Variants in WDTC1 observed in about 807,000 individuals in gnomAD.
The protein encoded by WDTC1 is WD and tetratricopeptide repeats 1, also known as WD and tetratricopeptide repeats protein 1.
WDTC1 carries 12 observed loss-of-function variants against 76.0 expected under a neutral mutation model. That is an observed-to-expected ratio of 0.16 (90% CI 0.10 to 0.26). The LOEUF is 0.26. Among genes scored for constraint, WDTC1 ranks in the 10% least tolerant of loss-of-function variants. The probability of loss-of-function intolerance (pLI) is 1.00; values close to 1 mark genes in which losing one functional copy is unlikely to be tolerated. For missense variants in WDTC1, 511 were observed against 908.8 expected (o/e 0.56, Z 5.63); for synonymous variants, 326 against 350.8 (o/e 0.93, Z 0.79).
At chr1:27,296,437 T>A in intron 10 of WDTC1, 36 bp downstream of exon 10, 2 of 1,608,532 alleles carry the variant, frequency 1.2e-6, no homozygotes, top group East Asian at 4.5e-5. Context: ...ACTGCGGCGG[T>A]GTAGGGGAGC....
intron 3 of WDTC1, among the ~76,000 whole-genome samples, chr1:27,268,443 G>C (rs1397198636): frequency 6.6e-6 from 1 of 151,768 alleles, no homozygotes; most frequent in Non-Finnish European, 1.5e-5. Flanking sequence ...TTTTGTGACA[G>C]AGTCTTGCCC....
At position 27,306,301 on chromosome 1, in the gene WDTC1, T is replaced by C; in HGVS notation, c.1952T>C (p.Ile651Thr). ...EVMLLNMGYRITGLSSGGAGA... is the reference protein window; with the variant it reads ...EVMLLNMGYRTTGLSSGGAGA... ...ATGCTGCTCAACATGGGCTACCGGA[T>C]CACGGGCCTGAGCAGTGGGGGTGCC... Residue 651 changes from isoleucine (I) to threonine (T), a missense_variant, in exon 16 of 16, where the codon ATC (isoleucine) becomes ACC (threonine). Transcript: ENST00000319394. The surrounding 1 kb of genome is among the most constrained non-coding windows in gnomAD (Gnocchi z 5.0). The C allele has an allele frequency of 6.2e-7, 1 of 1,614,044 alleles. No individual in the cohort carries two copies. Among genetic ancestry groups the C allele is most frequent in the Non-Finnish European group, 8.5e-7 (1 of 1,179,994 alleles).
intron 3 of WDTC1, among the ~76,000 whole-genome samples, chr1:27,269,078 C>G (rs962947013): frequency 1.4e-5 from 2 of 138,516 alleles, no homozygotes; most frequent in African/African-American, 2.7e-5. Context: ...TAAATCCCAA[C>G]ACTTTGGGAG....
intron 3 of WDTC1, among the ~76,000 whole-genome samples, chr1:27,268,278 T>C (rs893959276): frequency 6.6e-6 from 1 of 152,056 alleles, no homozygotes; most frequent in Non-Finnish European, 1.5e-5. Context: ...CCTGTCTCTA[T>C]ACCATCAAAA....
intron 3 of WDTC1, among the ~76,000 whole-genome samples, chr1:27,275,746 G>T (rs55722958): frequency 2.0e-5 from 3 of 151,968 alleles, no homozygotes; most frequent in African/African-American, 7.2e-5. Flanking sequence ...CCAGAATGTC[G>T]CCTGTTTGCT....
chr1:27,268,050 C>T (rs566538955), intron 3 of WDTC1, among the ~76,000 whole-genome samples: 4 of 152,148 alleles, frequency 2.6e-5, no homozygotes, highest in Non-Finnish European at 5.9e-5. Context: ...GGTGTTTGTA[C>T]CAACTTTTGC....
intron 12 of WDTC1, 41 bp downstream of exon 12, chr1:27,298,152 G>A (rs933586696): frequency 1.3e-6 from 2 of 1,522,834 alleles, no homozygotes; most frequent in Non-Finnish European, 1.8e-6. Flanking sequence ...CAGGATGAGG[G>A]AGAAAGCAGC....
intron 3 of WDTC1, among the ~76,000 whole-genome samples, chr1:27,271,864 C>T (rs915148778): frequency 1.9e-4 from 28 of 149,040 alleles, no homozygotes; most frequent in Admixed American, 1.3e-3. Flanking sequence ...CTCGAACTCC[C>T]GGCCTCAGGT....
chr1:27,299,615 A>G (rs2013781761), intron 12 of WDTC1, among the ~76,000 whole-genome samples: 1 of 152,136 alleles, frequency 6.6e-6, no homozygotes, highest in Non-Finnish European at 1.5e-5. Flanking sequence ...GAGGGTTCGG[A>G]AAGGGACTGG....
intron 1 of WDTC1, among the ~76,000 whole-genome samples, chr1:27,243,933 C>T (rs1342890691): frequency 6.8e-6 from 1 of 146,566 alleles, no homozygotes; most frequent in Non-Finnish European, 1.5e-5. Context: ...CGAGACCAGC[C>T]TGGGCAGCAT....
At chr1:27,263,281 A>G (rs763825234) in intron 3 of WDTC1, 46 bp downstream of exon 3, 12 of 1,580,636 alleles carry the variant, frequency 7.6e-6, no homozygotes, top group East Asian at 4.5e-5. Context: ...CCTGCTGTCC[A>G]TTCTCTGCCT....
chr1:27,280,786 T>C (rs1247013471), intron 3 of WDTC1, among the ~76,000 whole-genome samples: 7 of 152,202 alleles, frequency 4.6e-5, no homozygotes, highest in Admixed American at 2.0e-4. Context: ...ATGATGAATC[T>C]CACTGGGTTG....
rs375696532 is a variant in WDTC1 at position 27,297,883 on chromosome 1, A to T, written c.1059-55A>T. 2.0e-6 allele frequency: 3 copies of T among 1,524,156 alleles called. No homozygotes were observed. The African/African-American group carries it at 4.2e-5, about 21-fold the overall frequency. The allele number at this position is 1,524,156 out of a possible 1,614,324, so 94.4% of individuals were successfully genotyped here. ...CTCAGGCCATGTTACAGACTCCCTGAGGGGCTGCTCTGACCTTCTTTGACT... is the reference window on the plus strand; with the variant it reads ...CTCAGGCCATGTTACAGACTCCCTGTGGGGCTGCTCTGACCTTCTTTGACT... On this transcript the variant is annotated intron_variant, in intron 11 of 15. Transcript: ENST00000319394.
intron 3 of WDTC1, among the ~76,000 whole-genome samples, chr1:27,279,252 G>A (rs186786480): frequency 6.6e-6 from 1 of 152,032 alleles, no homozygotes; most frequent in Non-Finnish European, 1.5e-5. Flanking sequence ...ATTGAATTAA[G>A]GCCGGACACA....
chr1:27,287,890 T>A, intron 6 of WDTC1, 29 bp downstream of exon 6: 1 of 1,599,772 alleles, frequency 6.3e-7, no homozygotes, highest in Admixed American at 1.7e-5. Context: ...TAGTGGAGCC[T>A]GTCGCTCCCC....
chr1:27,292,492 A>G (rs182521585), intron 7 of WDTC1, 95 bp downstream of exon 7: 6 of 1,248,758 alleles, frequency 4.8e-6, no homozygotes, highest in South Asian at 1.8e-5. Flanking sequence ...CTCTTCTTCT[A>G]TCACAGCTCA....
At chr1:27,304,965 C>G (rs2013917600) in intron 14 of WDTC1, 36 bp from the exon 15 acceptor site, 1 of 1,589,012 alleles carries the variant, frequency 6.3e-7, no homozygotes, top group Non-Finnish European at 8.6e-7. Context: ...AGGGCAGTAC[C>G]CCACCTGACC....
At chr1:27,239,874 C>T (rs2011579696) in intron 1 of WDTC1, among the ~76,000 whole-genome samples, 1 of 149,930 alleles carries the variant, frequency 6.7e-6, no homozygotes, top group Non-Finnish European at 1.5e-5. Flanking sequence ...TTAGTATATA[C>T]CAGGCACTTG....
At position 27,297,052 on chromosome 1, in the gene WDTC1, C is replaced by A; in HGVS notation, c.954C>A (p.Val318=). 1 of 1,613,892 alleles carries A rather than the reference C, an allele frequency of 6.2e-7. No individual in the cohort carries two copies. Among genetic ancestry groups the A allele is most frequent in the Non-Finnish European group, 8.5e-7 (1 of 1,179,908 alleles). Residue 318 remains valine (V), a synonymous_variant, in exon 11 of 16, where the codon GTC becomes GTA. Coordinates refer to ENST00000319394, the MANE Select transcript of WDTC1 (RefSeq NM_001276252.2). ...TTTCTCACTATCTCCTGCCAGAAGT[C>A]CAGAATGGCAAGATGTCCACCAACG... is the stretch of plus-strand genomic sequence containing the variant. ...LPRKCHSSGE[V]QNGKMSTNGV...
Sources: gnomAD v4.1 joint callset for allele counts (sites outside exome capture counted in the v4.1 genomes callset) on GRCh38, gnomAD v4.1.1 for gene constraint, Gnocchi (gnomAD v3.1) non-coding constraint, MANE v1.5 for transcripts, NCBI Gene and HGNC (gene_info 2026-07-23, HGNC 2026-07-21) for gene names.